Variants in RYR3 observed in about 807,000 individuals in gnomAD.
RYR3 encodes ryanodine receptor 3, also known as brain ryanodine receptor-calcium release channel.
In RYR3, 207 loss-of-function variants were observed where a neutral mutation model predicts 584.3. The ratio of observed to expected loss-of-function variants is 0.35; its 90% CI spans 0.32 to 0.40. The LOEUF is 0.40. Among genes scored for constraint, RYR3 ranks in the 10% least tolerant of loss-of-function variants. RYR3 has a pLI of 1.00. For synonymous variants in RYR3, 2,416 were observed against 2,248.5 expected (o/e 1.07, Z -2.11); for missense variants, 5,616 against 6,089.2 (o/e 0.92, Z 2.59).
At chr15:33,668,677 A>G (rs2063634934) in intron 36 of RYR3, among the ~76,000 whole-genome samples, 1 of 152,210 alleles carries the variant, frequency 6.6e-6, no homozygotes, top group Non-Finnish European at 1.5e-5. Context: ...ATAGTAATAC[A>G]CACTTGTATA....
chr15:33,815,069 CAAA>C (rs35216286), intron 74 of RYR3, among the ~76,000 whole-genome samples: 15 of 118,678 alleles, frequency 1.3e-4, no homozygotes, highest in Admixed American at 1.8e-4. Flanking sequence ...GACTCTGTCT[CAAA>C]AAAAAAAAAA....
At chr15:33,794,348 A>ACATATATATATGTGTAT (rs369625654) in intron 67 of RYR3, among the ~76,000 whole-genome samples, 199 of 58,270 alleles carry the variant, frequency 3.4e-3, no homozygotes, top group African/African-American at 9.9e-3. Flanking sequence ...TATATATAAA[A>ACATATATATATGTGTAT]ATATATATAT....
rs868673887 is a variant in RYR3, at chr15:33,694,405, C to T, written c.5861-1813C>T. Among the ~76,000 whole-genome samples, 119 of 118,268 alleles carry T rather than the reference C, an allele frequency of 1.0e-3. No individual in the cohort carries two copies. The Middle Eastern group carries it at 0.016, about 16-fold the overall frequency. 77.6% of individuals were successfully genotyped at this position (118,268 alleles called of 152,430 possible). A position where few individuals can be genotyped will look rare whatever the true frequency, so the allele number is the denominator to read the frequency against. ...GACTACAGGCGCCCTCCATCACGCC[C>T]GGTTAATTTTTTGTATTTTTAGTAG... On this transcript the variant is annotated intron_variant, in intron 38 of 103. Transcript: ENST00000634891.
At position 33,669,453 on chromosome 15, in the gene RYR3, T is replaced by C. The variant is rs2063686989; in HGVS notation, c.5719T>C (p.Cys1907Arg). 6.2e-7 allele frequency: 1 copy of C among 1,613,210 alleles called. No individual in the cohort carries two copies. The highest frequency in any genetic ancestry group is 8.5e-7 in the Non-Finnish European group (1 of 1,179,294). Residue 1907 changes from cysteine to arginine, a missense_variant, in exon 37 of 104, where the codon TGT becomes CGT. Coordinates refer to ENST00000634891, the MANE Select transcript of RYR3 (RefSeq NM_001036.6). ...YDFHEDLLLH[C>R]GVPLEEEEEE... ...TTTCCATGAGGACCTTCTCCTTCACTGTGGTAAGCTGCCCAGAGAAAGGCT... is the reference window on the plus strand; with the variant it reads ...TTTCCATGAGGACCTTCTCCTTCACCGTGGTAAGCTGCCCAGAGAAAGGCT...
At chr15:33,492,460 AAAGC>A (rs1219598933) in intron 2 of RYR3, among the ~76,000 whole-genome samples, 1 of 86,228 alleles carries the variant, frequency 1.2e-5, no homozygotes, top group African/African-American at 4.7e-5. Flanking sequence ...TATTTCTCTC[AAAGC>A]AAAAAAAAAA....
chr15:33,817,632 C>G (rs2076887555), intron 75 of RYR3, among the ~76,000 whole-genome samples: 1 of 152,178 alleles, frequency 6.6e-6, no homozygotes, highest in Admixed American at 6.5e-5. Flanking sequence ...ATGTCTTTCA[C>G]TTTCTATCTT....
rs2073342906 is a variant in RYR3, at chr15:33,769,000, T to A, written c.8756-112T>A. The stretch of plus-strand genomic sequence containing the variant: ...CGCTGAACACAGGCCCAGGACTTTA[T>A]GTGTTGGTAGTTAATTACGCTGGGG... On this transcript the variant is annotated intron_variant, in intron 61 of 103. Coordinates refer to ENST00000634891, the MANE Select transcript of RYR3 (RefSeq NM_001036.6). 3 of 827,154 alleles carry A rather than the reference T, an allele frequency of 3.6e-6. 1 individual carries two copies. Among genetic ancestry groups the A allele is most frequent in the Admixed American group, 3.5e-5 (2 of 56,386 alleles). The allele number at this position is 827,154 out of a possible 1,614,324, so 51.2% of individuals were successfully genotyped here. A position where few individuals can be genotyped will look rare whatever the true frequency, so the allele number is the denominator to read the frequency against.
intron 1 of RYR3, among the ~76,000 whole-genome samples, chr15:33,320,775 T>G (rs955894726): frequency 6.6e-6 from 1 of 152,202 alleles, no homozygotes; most frequent in Admixed American, 6.5e-5. Context: ...GCTCAACATA[T>G]AGTAAATCCT....
intron 1 of RYR3, among the ~76,000 whole-genome samples, chr15:33,331,184 G>A (rs555714530): frequency 2.0e-5 from 3 of 151,988 alleles, no homozygotes; most frequent in Non-Finnish European, 2.9e-5. Context: ...CTTTTTTCTC[G>A]ACAAATATAC....
At chr15:33,828,615 A>G (rs1341156266) in intron 85 of RYR3, among the ~76,000 whole-genome samples, 1 of 152,234 alleles carries the variant, frequency 6.6e-6, no homozygotes, top group Admixed American at 6.5e-5. Flanking sequence ...CTCATAAGCC[A>G]CAATCTAATC....
At chr15:33,862,894 G>C (rs1421210155) in intron 102 of RYR3, among the ~76,000 whole-genome samples, 1 of 152,228 alleles carries the variant, frequency 6.6e-6, no homozygotes, top group Non-Finnish European at 1.5e-5. Flanking sequence ...TGGAATTAGA[G>C]GCGTGAGCCA....
At chr15:33,810,844 C>T (rs2076490035) in intron 71 of RYR3, 134 bp from the exon 72 acceptor site, 7 of 1,086,722 alleles carry the variant, frequency 6.4e-6, no homozygotes, top group South Asian at 4.4e-5. Context: ...GACAAATCTC[C>T]GGAATATTTT....
intron 63 of RYR3, 96 bp downstream of exon 63, chr15:33,772,254 CAGAG>C: frequency 1.5e-6 from 1 of 679,910 alleles, no homozygotes; most frequent in Non-Finnish European, 2.6e-6. Flanking sequence ...GAGGGCAGAG[CAGAG>C]AGAGAATTAT....
At position 33,662,266 on chromosome 15, in the gene RYR3, C is replaced by T. The variant is rs548311351; in HGVS notation, c.4736C>T (p.Ala1579Val). ...CALGNSRVAY[A>V]LCSHVDLSQL... is the part of the protein sequence containing the mutation. ...CTGGGAAACAGCCGCGTGGCCTACGCCCTGTGCAGCCACGTGGACCTCTCC... is the reference window on the plus strand; with the variant it reads ...CTGGGAAACAGCCGCGTGGCCTACGTCCTGTGCAGCCACGTGGACCTCTCC... Residue 1579 changes from alanine (A) to valine (V), a missense_variant, in exon 35 of 104, where the codon GCC (alanine) becomes GTC (valine). Transcript: ENST00000634891. The T allele has an allele frequency of 4.3e-6, 7 of 1,610,608 alleles. No individual in the cohort carries two copies. In the South Asian group the frequency reaches 5.5e-5, roughly 13 times the overall value.
At chr15:33,394,967 C>G (rs11630319) in intron 1 of RYR3, among the ~76,000 whole-genome samples, 16,975 of 152,044 alleles carry the variant, frequency 0.11, 1,082 homozygotes, top group South Asian at 0.28. Context: ...AAAACACATA[C>G]TGATACCCGG....
intron 85 of RYR3, among the ~76,000 whole-genome samples, chr15:33,827,755 A>AT (rs200719776): frequency 1.3e-5 from 2 of 152,166 alleles, no homozygotes; most frequent in East Asian, 1.9e-4. Context: ...ACAAAAAGGG[A>AT]TTTTTTTCCT....
intron 19 of RYR3, 106 bp from the exon 20 acceptor site, chr15:33,623,701 A>C: frequency 1.2e-6 from 1 of 800,706 alleles, no homozygotes; most frequent in Admixed American, 2.6e-5. Context: ...CTTCTCAACA[A>C]AATTATGTTG....
intron 38 of RYR3, among the ~76,000 whole-genome samples, chr15:33,676,241 TA>T (rs10690504): frequency 6.2e-4 from 89 of 143,176 alleles, no homozygotes; most frequent in East Asian, 8.2e-4. Context: ...CTCTAGAAGG[TA>T]AAAAAAAAAA....
chr15:33,449,095 A>G (rs2046902430), intron 1 of RYR3, among the ~76,000 whole-genome samples: 1 of 152,150 alleles, frequency 6.6e-6, no homozygotes, highest in African/African-American at 2.4e-5. Context: ...AACTTCAACA[A>G]ACTTATTACC....
Sources: gnomAD v4.1 joint callset for allele counts (sites outside exome capture counted in the v4.1 genomes callset) on GRCh38, gnomAD v4.1.1 for gene constraint, MANE v1.5 for transcripts, NCBI Gene and HGNC (gene_info 2026-07-23, HGNC 2026-07-21) for gene names.